The following RMDN1 variants were observed in gnomAD, a reference collection of about 807,000 sequenced individuals.
RMDN1 encodes the protein regulator of microtubule dynamics 1, also known as regulator of microtubule dynamics protein 1.
In RMDN1, 48 loss-of-function variants were observed where a neutral mutation model predicts 48.9. The ratio of observed to expected loss-of-function variants is 0.98; its 90% CI spans 0.78 to 1.25. The LOEUF (loss-of-function observed/expected upper bound fraction) is 1.25, where lower values mean the gene tolerates loss of function less well. RMDN1 is among the 50% of genes most tolerant of loss of function. The pLI is 0.00. For synonymous variants in RMDN1, 148 were observed against 132.6 expected, an observed-to-expected ratio of 1.12 and a Z score of -0.80; for missense variants, 418 against 373.4, an observed-to-expected ratio of 1.12 and a Z score of -0.98.
At chr8:86,499,742 T>C (rs1817912330) in intron 2 of RMDN1, among the ~76,000 whole-genome samples, 1 of 152,198 alleles carries the variant, frequency 6.6e-6, no homozygotes, top group East Asian at 1.9e-4. Flanking sequence ...AAGGCGATCC[T>C]AAGCAAAAAT....
intron 8 of RMDN1, 135 bp downstream of exon 8, chr8:86,477,159 A>C: frequency 1.8e-6 from 1 of 543,150 alleles, no homozygotes; most frequent in Non-Finnish European, 3.1e-6. Flanking sequence ...AAGACTTTAA[A>C]AATTGTTTTA....
chr8:86,504,283 G>A (rs1373924920), intron 2 of RMDN1: 2 of 1,574,694 alleles, frequency 1.3e-6, no homozygotes, highest in Non-Finnish European at 8.7e-7. Context: ...GGGCACCCAG[G>A]ATGTATCCCA....
chr8:86,468,471 T>C (rs906636340), downstream of RMDN1: 1 of 428,220 alleles, frequency 2.3e-6, no homozygotes, highest in African/African-American at 2.1e-5. Flanking sequence ...GGTTATGTGA[T>C]AGAGGGAAAC....
chr8:86,473,828 A>AG lies in RMDN1; in HGVS notation c.*479_*480insC. On this transcript the variant is annotated 3_prime_UTR_variant, in exon 10 of 10. Transcript: ENST00000406452. ...TCTCCTTACTTAGTTCTTTACTTAC[A>AG]CAGGTTAGCTCCAAGATATATCATT... 1 of 985,442 alleles carries AG rather than the reference A, an allele frequency of 1.0e-6. No individual in the cohort carries two copies. The highest frequency in any genetic ancestry group is 1.2e-6 in the Non-Finnish European group (1 of 829,892). The allele number at this position is 985,442 out of a possible 1,614,324, so 61.0% of individuals were successfully genotyped here. A position where few individuals can be genotyped will look rare whatever the true frequency, so the allele number is the denominator to read the frequency against.
At chr8:86,493,836 CTA>C (rs1816893696) in intron 2 of RMDN1, among the ~76,000 whole-genome samples, 1 of 152,144 alleles carries the variant, frequency 6.6e-6, no homozygotes. Flanking sequence ...TAAATAAACT[CTA>C]TGTTTAGACT....
At position 86,474,320 on chromosome 8, in the gene RMDN1, A is replaced by T; in HGVS notation, c.933T>A (p.Ser311Arg). 2 of 1,613,674 alleles carry T rather than the reference A, an allele frequency of 1.2e-6. No homozygotes were observed. Among genetic ancestry groups the T allele is most frequent in the Non-Finnish European group, 1.7e-6 (2 of 1,179,762 alleles). The change falls in exon 10 of 10, where the codon AGT becomes AGA. Residue 311 changes from serine to arginine, a missense_variant. Ser to Arg is a moderately radical substitution (Grantham distance 110). Transcript: ENST00000406452. ...TEAAQLLTSF[S>R]EKN ...CTCTGAAAAGTTCTCAATTCTTCTC[A>T]CTGAAACTTGTAAGCAACTGAGCAG...
At chr8:86,492,378 C>T (rs571246072) in intron 2 of RMDN1, among the ~76,000 whole-genome samples, 18 of 152,082 alleles carry the variant, frequency 1.2e-4, no homozygotes, top group Admixed American at 4.6e-4. Flanking sequence ...TGAGGCCAGG[C>T]GTGGTGGCTC....
chr8:86,489,287 T>C lies in RMDN1; in HGVS notation c.248-648A>G, dbSNP rs532133726. On this transcript the variant is annotated intron_variant, in intron 2 of 9. Coordinates refer to ENST00000406452, the MANE Select transcript of RMDN1 (RefSeq NM_016033.3). ...TCTGGAACTTACTGACACTATGCTC[T>C]GACTGACTCTTAAAACTAATTTATA... 1.9e-4 allele frequency among the ~76,000 whole-genome samples: 29 copies of C among 152,356 alleles called. No homozygotes were observed. In the South Asian group the frequency reaches 6.0e-3, roughly 32 times the overall value.
At chr8:86,487,329 C>T (rs746816762) in intron 3 of RMDN1, among the ~76,000 whole-genome samples, 26 of 152,198 alleles carry the variant, frequency 1.7e-4, no homozygotes, top group Non-Finnish European at 1.3e-4. Flanking sequence ...TTCCGCCAGG[C>T]ACAGTGGCTC....
At chr8:86,468,651 G>A (rs756215182), downstream of RMDN1, 1 of 456,014 alleles carries the variant, frequency 2.2e-6, no homozygotes, top group South Asian at 1.5e-5. Flanking sequence ...CGTTTTCAGG[G>A]TGCTGGTCTC....
intron 2 of RMDN1, among the ~76,000 whole-genome samples, chr8:86,490,532 A>C (rs1816311147): frequency 6.6e-6 from 1 of 152,174 alleles, no homozygotes; most frequent in East Asian, 1.9e-4. Flanking sequence ...AAGAAAGGGA[A>C]TATTCCCTAG....
At chr8:86,476,228 TA>T (rs917749796) in intron 8 of RMDN1, among the ~76,000 whole-genome samples, 1 of 152,094 alleles carries the variant, frequency 6.6e-6, no homozygotes, top group African/African-American at 2.4e-5. Context: ...TTAAATCTGT[TA>T]AAAAAAGTCA....
At chr8:86,488,848 G>C (rs2130885318) in intron 2 of RMDN1, among the ~76,000 whole-genome samples, 1 of 152,104 alleles carries the variant, frequency 6.6e-6, no homozygotes, top group East Asian at 1.9e-4. Context: ...ATGATTTATT[G>C]AAATCATGGG....
chr8:86,473,810 A>C lies in RMDN1; in HGVS notation c.*498T>G, dbSNP rs1212409410. On this transcript the variant is annotated 3_prime_UTR_variant, in exon 10 of 10. Transcript: ENST00000406452. Reference sequence around the variant, plus strand: ...CTACTCCATTTTTAGTCATCTCCTTACTTAGTTCTTTACTTACACAGGTTA... The same window carrying C: ...CTACTCCATTTTTAGTCATCTCCTTCCTTAGTTCTTTACTTACACAGGTTA... 4.1e-5 allele frequency: 38 copies of C among 931,886 alleles called. No homozygotes were observed. Among genetic ancestry groups the C allele is most frequent in the Non-Finnish European group, 4.6e-5 (36 of 780,554 alleles). 57.7% of individuals were successfully genotyped at this position (931,886 alleles called of 1,614,324 possible).
downstream of RMDN1, among the ~76,000 whole-genome samples, chr8:86,471,138 A>C (rs1156674259): frequency 6.8e-6 from 1 of 147,128 alleles, no homozygotes; most frequent in East Asian, 1.9e-4. Flanking sequence ...AGAGAAAGGT[A>C]CACAGGATCT....
chr8:86,469,275 C>G (rs1254803071), downstream of RMDN1, among the ~76,000 whole-genome samples: 1 of 151,954 alleles, frequency 6.6e-6, no homozygotes, highest in Non-Finnish European at 1.5e-5. Context: ...CTAGCTCTTC[C>G]TACCCTGACA....
intron 2 of RMDN1, among the ~76,000 whole-genome samples, chr8:86,496,850 G>A (rs959277915): frequency 6.6e-6 from 1 of 152,000 alleles, no homozygotes; most frequent in African/African-American, 2.4e-5. Flanking sequence ...CTTCTCACCT[G>A]AGCACGGCAC....
downstream of RMDN1, chr8:86,468,701 C>A (rs1193646498): frequency 1.1e-5 from 5 of 456,114 alleles, no homozygotes; most frequent in Non-Finnish European, 2.2e-5. Context: ...TGAGGCTACA[C>A]AGAACCCTAC....
At chr8:86,500,598 T>C (rs577970380) in intron 2 of RMDN1, among the ~76,000 whole-genome samples, 2 of 151,672 alleles carry the variant, frequency 1.3e-5, no homozygotes, top group East Asian at 3.9e-4. Flanking sequence ...GGTGGGAATA[T>C]AAATTAGTTC....
Sources: gnomAD v4.1 joint callset for allele counts (sites outside exome capture counted in the v4.1 genomes callset) on GRCh38, gnomAD v4.1.1 for gene constraint, MANE v1.5 for transcripts, NCBI Gene and HGNC (gene_info 2026-07-23, HGNC 2026-07-21) for gene names.